The following CFAP57 variants were observed in gnomAD, a reference collection of about 807,000 sequenced individuals.
CFAP57 encodes the protein cilia and flagella associated protein 57.
CFAP57 carries 116 observed loss-of-function variants against 146.8 expected under a neutral mutation model. The ratio of observed to expected loss-of-function variants is 0.79; its 90% CI spans 0.68 to 0.92. The LOEUF (loss-of-function observed/expected upper bound fraction) is 0.92, where lower values mean the gene tolerates loss of function less well. Among genes scored for constraint, CFAP57 ranks in the 40% least tolerant of loss-of-function variants. The probability of loss-of-function intolerance (pLI) is 0.00; values close to 1 mark genes in which losing one functional copy is unlikely to be tolerated. For missense variants in CFAP57, 1,377 were observed against 1,527.2 expected (o/e 0.90, Z 1.64); for synonymous variants, 518 against 552.8 (o/e 0.94, Z 0.88).
At chr1:43,228,098 C>T (rs1309669292) in intron 18 of CFAP57, among the ~76,000 whole-genome samples, 1 of 152,200 alleles carries the variant, frequency 6.6e-6, no homozygotes, top group Admixed American at 6.5e-5. Context: ...AGTGAACTCC[C>T]CAGTGGGGTC....
chr1:43,175,334 A>ATG (rs1557719353), intron 2 of CFAP57, among the ~76,000 whole-genome samples: 1 of 151,830 alleles, frequency 6.6e-6, no homozygotes, highest in Non-Finnish European at 1.5e-5. Context: ...GTATATATAC[A>ATG]TACATATAGA....
rs138114943 is a variant in CFAP57 at position 43,224,208 on chromosome 1, C to A, written c.2865+4C>A. The A allele has an allele frequency of 3.3e-4, 500 of 1,530,570 alleles. 5 individuals carry two copies. The East Asian group carries it at 0.01, about 31-fold the overall frequency. The allele number at this position is 1,530,570 out of a possible 1,614,324, so 94.8% of individuals were successfully genotyped here. On this transcript the variant is annotated splice_donor_region_variant and intron_variant, in intron 17 of 22. Coordinates refer to ENST00000372492, the MANE Select transcript of CFAP57 (RefSeq NM_001378189.1). Reference sequence around the variant, plus strand: ...AGACGAGACTATTCAAGACAAGGTGCAGCTCTCCTTCTGTCCTCCCTCAGC... The same window carrying A: ...AGACGAGACTATTCAAGACAAGGTGAAGCTCTCCTTCTGTCCTCCCTCAGC...
At chr1:43,223,037 G>A in intron 16 of CFAP57, 40 bp downstream of exon 16, 2 of 1,517,538 alleles carry the variant, frequency 1.3e-6, no homozygotes, top group African/African-American at 1.4e-5. Context: ...GTGGGCGAGG[G>A]TGTTGCAGAG....
In CFAP57 at chr1:43,254,201, G is replaced by T. The variant is rs910059802; in HGVS notation, c.*10G>T. On this transcript the variant is annotated 3_prime_UTR_variant, in exon 23 of 23. Transcript: ENST00000372492. ...GGTGAAGACCAACTGACCCCCTCTG[G>T]TGAGCCATCTCCAGCCACAGCCAGA... The T allele has an allele frequency of 1.3e-5, 20 of 1,541,254 alleles. No homozygotes were observed. The highest frequency in any genetic ancestry group is 2.0e-4 in the Middle Eastern group (1 of 5,008).
At chr1:43,178,449 AC>A (rs1645254530) in intron 2 of CFAP57, among the ~76,000 whole-genome samples, 1 of 152,216 alleles carries the variant, frequency 6.6e-6, no homozygotes, top group African/African-American at 2.4e-5. Context: ...CAAGAAAAAA[AC>A]AACCCCATCA....
At chr1:43,197,752 A>T (rs962885327) in intron 7 of CFAP57, 60 bp downstream of exon 7, 2 of 1,596,276 alleles carry the variant, frequency 1.3e-6, no homozygotes, top group Admixed American at 1.7e-5. Flanking sequence ...AATTTATGTG[A>T]ATTATTTTAA....
chr1:43,189,919 CTAAACCATTCA>C (rs995371657), intron 6 of CFAP57, among the ~76,000 whole-genome samples: 2 of 152,208 alleles, frequency 1.3e-5, no homozygotes, highest in Admixed American at 1.3e-4. Flanking sequence ...GGGGATGTCA[CTAAACCATTCA>C]TAAACCATTC....
intron 21 of CFAP57, among the ~76,000 whole-genome samples, chr1:43,235,062 A>G (rs1353175837): frequency 6.7e-6 from 1 of 149,174 alleles, no homozygotes; most frequent in African/African-American, 2.5e-5. Context: ...CCCAACTCTC[A>G]TTTCACCTGA....
intron 12 of CFAP57, among the ~76,000 whole-genome samples, chr1:43,218,703 A>C (rs1644931117): frequency 6.6e-6 from 1 of 152,208 alleles, no homozygotes; most frequent in Admixed American, 6.5e-5. Flanking sequence ...ATTAAAAGTG[A>C]GTCTAAGAAG....
rs949081793 is a variant in CFAP57 at position 43,232,533 on chromosome 1, A to G, written c.3035A>G (p.His1012Arg). 6 of 1,550,366 alleles carry G rather than the reference A, an allele frequency of 3.9e-6. No individual in the cohort carries two copies. The highest frequency in any genetic ancestry group is 1.4e-5 in the African/African-American group (1 of 73,174). Residue 1012 changes from histidine (H) to arginine (R), a missense_variant, in exon 19 of 23, where the codon CAT becomes CGT. By Grantham distance (29) the His-to-Arg change is conservative. Coordinates refer to ENST00000372492, the MANE Select transcript of CFAP57 (RefSeq NM_001378189.1). The part of the protein sequence containing the change: ...QEMEAELENF[H>R]KQNTQLELNI... ...ATGGAAGCTGAACTGGAGAATTTCC[A>G]TAAGCAGAACACTCAACTGGAGCTG...
In CFAP57 at chr1:43,240,829, C is replaced by A. The variant is rs1381232832; in HGVS notation, c.3406-2398C>A. 2.0e-5 allele frequency among the ~76,000 whole-genome samples: 3 copies of A among 152,164 alleles called. No individual in the cohort carries two copies. In the East Asian group the frequency reaches 5.8e-4, roughly 30 times the overall value. ...AAAGAGGAGCAGGCGTGTCACATGG[C>A]GAAAGAGAGAGTAGGAGAGGAGAAG... is the stretch of plus-strand genomic sequence containing the variant. On this transcript the variant is annotated intron_variant, in intron 21 of 22. Transcript: ENST00000372492.
intron 6 of CFAP57, among the ~76,000 whole-genome samples, chr1:43,196,130 G>T (rs1277938575): frequency 6.6e-6 from 1 of 152,214 alleles, no homozygotes; most frequent in Non-Finnish European, 1.5e-5. Context: ...ACCAGACAGG[G>T]TTAAATGCCC....
chr1:43,180,223 T>TTATATATATATATATATATATA (rs1289107795), intron 2 of CFAP57, among the ~76,000 whole-genome samples: 52 of 137,364 alleles, frequency 3.8e-4, no homozygotes, highest in African/African-American at 1.3e-3. Flanking sequence ...TATATATATT[T>TTATATATATATATATATATATA]TATATATATA....
In CFAP57 at chr1:43,234,485, G is replaced by GC. The variant is rs1557820373; in HGVS notation, c.3262-6dup. On this transcript the variant is annotated splice_polypyrimidine_tract_variant and intron_variant, in intron 20 of 22. Coordinates refer to ENST00000372492, the MANE Select transcript of CFAP57 (RefSeq NM_001378189.1). ...CTCTCCCTCACTGAGAATCTCCTGGGCCCCGTCAGGTGGAGATCGCAGGGC... is the reference window on the plus strand; with the variant it reads ...CTCTCCCTCACTGAGAATCTCCTGGGCCCCCGTCAGGTGGAGATCGCAGGGC... 1.9e-6 allele frequency: 3 copies of GC among 1,546,420 alleles called. No individual in the cohort carries two copies.
chr1:43,179,987 AC>A (rs760415268), intron 2 of CFAP57, among the ~76,000 whole-genome samples: 4 of 151,944 alleles, frequency 2.6e-5, no homozygotes, highest in Non-Finnish European at 5.9e-5. Context: ...TGGGCGGATC[AC>A]CTGAAGTTGG....
chr1:43,245,764 T>C (rs1372046396), intron 22 of CFAP57, among the ~76,000 whole-genome samples: 1 of 152,180 alleles, frequency 6.6e-6, no homozygotes, highest in Non-Finnish European at 1.5e-5. Context: ...AAGTCCATCA[T>C]CTTGAAATTT....
intron 6 of CFAP57, among the ~76,000 whole-genome samples, chr1:43,190,400 A>G (rs561027228): frequency 2.6e-5 from 4 of 151,676 alleles, no homozygotes; most frequent in African/African-American, 4.9e-5. Context: ...ACTCCCGAGT[A>G]GCTGGAGCTA....
At chr1:43,187,446 C>G (rs532012222) in intron 6 of CFAP57, among the ~76,000 whole-genome samples, 2 of 152,024 alleles carry the variant, frequency 1.3e-5, no homozygotes, top group Admixed American at 6.6e-5. Context: ...TTTAACATAT[C>G]TTTCTCAGTA....
Position 43,241,002 on chromosome 1 carries a change from CTGTT to C in CFAP57, c.3406-2221_3406-2218del, listed in dbSNP as rs544393635. Among the ~76,000 whole-genome samples the C allele has an allele frequency of 2.4e-4, 36 of 152,268 alleles. No homozygotes were observed. In the South Asian group the frequency reaches 3.5e-3, roughly 15 times the overall value. ...GGCACCCGCCACCACGCCCGGCTAA[CTGTT>C]TGTATTTTTAGCGTAGACGGGGTTT... On this transcript the variant is annotated intron_variant, in intron 21 of 22. Coordinates refer to ENST00000372492, the MANE Select transcript of CFAP57 (RefSeq NM_001378189.1).
Sources: gnomAD v4.1 joint callset for allele counts (sites outside exome capture counted in the v4.1 genomes callset) on GRCh38, gnomAD v4.1.1 for gene constraint, MANE v1.5 for transcripts, NCBI Gene and HGNC (gene_info 2026-07-23, HGNC 2026-07-21) for gene names.